Variants in NLGN1 observed in about 807,000 individuals in gnomAD.
NLGN1 encodes the protein neuroligin-1.
Under a neutral mutation model 65.5 loss-of-function variants are expected in NLGN1, and 12 were observed. That is an observed-to-expected ratio of 0.18 (90% CI 0.12 to 0.30). NLGN1 has a LOEUF of 0.30. NLGN1 is among the 10% of genes least tolerant of loss of function. The pLI, the probability that NLGN1 is intolerant of heterozygous loss-of-function variation, is 1.00. For synonymous variants in NLGN1, 350 were observed against 359.5 expected (o/e 0.97, Z 0.30); for missense variants, 750 against 1,007.1 (o/e 0.74, Z 3.46).
chr3:173,758,034 A>T (rs184125020), intron 3 of NLGN1, among the ~76,000 whole-genome samples: 20 of 152,114 alleles, frequency 1.3e-4, no homozygotes, highest in African/African-American at 4.8e-4. Flanking sequence ...GACTTTTAGA[A>T]GGCAGTTAAG....
At chr3:173,406,341 A>G (rs1718648139) in intron 1 of NLGN1, among the ~76,000 whole-genome samples, 1 of 151,716 alleles carries the variant, frequency 6.6e-6, no homozygotes, top group African/African-American at 2.4e-5. Flanking sequence ...CTTTAAAAGA[A>G]TTATCAGTAA....
intron 2 of NLGN1, among the ~76,000 whole-genome samples, chr3:173,485,067 T>G (rs1232881709): frequency 6.9e-6 from 1 of 145,276 alleles, no homozygotes; most frequent in Non-Finnish European, 1.5e-5. Context: ...TCACAATCAT[T>G]GTGGGAAGTA....
intron 3 of NLGN1, among the ~76,000 whole-genome samples, chr3:173,799,694 A>C (rs1269682859): frequency 2.0e-5 from 3 of 152,000 alleles, no homozygotes; most frequent in Non-Finnish European, 2.9e-5. Context: ...TAATATTTAA[A>C]TGAAAACACA....
At chr3:173,817,330 A>G (rs566629588) in intron 4 of NLGN1, among the ~76,000 whole-genome samples, 32 of 152,342 alleles carry the variant, frequency 2.1e-4, no homozygotes, top group Admixed American at 1.8e-3. Flanking sequence ...CAGGTAAGTG[A>G]CATGATTAGA....
intron 4 of NLGN1, among the ~76,000 whole-genome samples, chr3:174,240,511 G>T (rs551126630): frequency 6.6e-6 from 1 of 152,118 alleles, no homozygotes; most frequent in Non-Finnish European, 1.5e-5. Flanking sequence ...TACCAAGAAC[G>T]CTGTCATTAT....
chr3:174,110,174 TCTC>T (rs1429487113), intron 4 of NLGN1, among the ~76,000 whole-genome samples: 2 of 151,998 alleles, frequency 1.3e-5, no homozygotes, highest in African/African-American at 4.8e-5. Flanking sequence ...TTGGGTGGCT[TCTC>T]CTCAGTGAAC....
At chr3:173,573,401 C>T (rs1177050927) in intron 2 of NLGN1, among the ~76,000 whole-genome samples, 1 of 151,838 alleles carries the variant, frequency 6.6e-6, no homozygotes, top group Non-Finnish European at 1.5e-5. Context: ...GCCTTCAAGT[C>T]AGCTGAGAGA....
intron 4 of NLGN1, among the ~76,000 whole-genome samples, chr3:173,810,098 T>C (rs1578551927): frequency 6.6e-6 from 1 of 152,344 alleles, no homozygotes; most frequent in South Asian, 2.1e-4. Flanking sequence ...ACATTGGTTC[T>C]CGAACAGAGG....
At chr3:173,773,217 C>T (rs934810110) in intron 3 of NLGN1, among the ~76,000 whole-genome samples, 3 of 152,200 alleles carry the variant, frequency 2.0e-5, no homozygotes, top group African/African-American at 7.2e-5. Context: ...CTCCTTAAAG[C>T]TTCTCATACC....
intron 4 of NLGN1, among the ~76,000 whole-genome samples, chr3:174,206,192 T>C (rs962215708): frequency 6.6e-6 from 1 of 152,232 alleles, no homozygotes; most frequent in East Asian, 1.9e-4. Flanking sequence ...GCATGTATTC[T>C]CAAAATAATC....
chr3:173,406,050 A>G (rs1375867440), intron 1 of NLGN1, among the ~76,000 whole-genome samples: 1 of 152,160 alleles, frequency 6.6e-6, no homozygotes, highest in Non-Finnish European at 1.5e-5. Context: ...TTATTGTATC[A>G]TATATAGCTT....
At chr3:174,110,991 C>A (rs140618516) in intron 4 of NLGN1, among the ~76,000 whole-genome samples, 3 of 152,012 alleles carry the variant, frequency 2.0e-5, no homozygotes, top group Non-Finnish European at 4.4e-5. Flanking sequence ...GAATATTTAT[C>A]GTCAGTCCTT....
At chr3:173,423,540 CA>C (rs887574265) in intron 1 of NLGN1, among the ~76,000 whole-genome samples, 7 of 149,082 alleles carry the variant, frequency 4.7e-5, no homozygotes, top group South Asian at 2.1e-4. Flanking sequence ...AAAAATTGAC[CA>C]AAAAAAAAGG....
chr3:173,642,995 G>GAA (rs1757657068), intron 3 of NLGN1, among the ~76,000 whole-genome samples: 1 of 152,052 alleles, frequency 6.6e-6, no homozygotes, highest in African/African-American at 2.4e-5. Context: ...ACACACATCT[G>GAA]AAGCTACCTT....
intron 4 of NLGN1, among the ~76,000 whole-genome samples, chr3:174,174,558 G>A (rs1048157978): frequency 6.6e-5 from 10 of 151,808 alleles, no homozygotes; most frequent in African/African-American, 1.7e-4. Context: ...GTTTTGATTC[G>A]CATTTCCCTG....
In NLGN1 at chr3:173,977,525, G is replaced by A. The variant is rs572294490; in HGVS notation, c.646+169693G>A. Among the ~76,000 whole-genome samples, 5 of 152,116 alleles carry A rather than the reference G, an allele frequency of 3.3e-5. No homozygotes were observed. The South Asian group carries it at 1.0e-3, about 32-fold the overall frequency. Reference sequence around the variant, plus strand: ...GAGTTTCTTAAGCCCCAAAGAAAAGGTAGTCACTGAAGATTTTAAGCAGGA... The same window carrying A: ...GAGTTTCTTAAGCCCCAAAGAAAAGATAGTCACTGAAGATTTTAAGCAGGA... On this transcript the variant is annotated intron_variant, in intron 4 of 6. Transcript: ENST00000457714.
chr3:173,788,325 A>G (rs1711761990), intron 3 of NLGN1, among the ~76,000 whole-genome samples: 1 of 151,918 alleles, frequency 6.6e-6, no homozygotes. Flanking sequence ...TATTAAATAC[A>G]TTTAGAACCC....
chr3:174,243,976 A>T (rs894710026), intron 4 of NLGN1, among the ~76,000 whole-genome samples: 10 of 152,202 alleles, frequency 6.6e-5, no homozygotes, highest in African/African-American at 2.2e-4. Context: ...GGCCTCTGAC[A>T]CTTCCATCAT....
At chr3:173,997,354 A>G (rs566792568) in intron 4 of NLGN1, among the ~76,000 whole-genome samples, 25 of 152,094 alleles carry the variant, frequency 1.6e-4, no homozygotes, top group Non-Finnish European at 3.2e-4. Flanking sequence ...ATATTAATTG[A>G]TCCATATTAA....
Sources: gnomAD v4.1 joint callset for allele counts (sites outside exome capture counted in the v4.1 genomes callset) on GRCh38, gnomAD v4.1.1 for gene constraint, MANE v1.5 for transcripts, NCBI Gene and HGNC (gene_info 2026-07-23, HGNC 2026-07-21) for gene names.